BRDT: variants seen among roughly 807,000 people sequenced by gnomAD.
BRDT encodes the protein bromodomain testis-specific protein.
Under a neutral mutation model 113.9 loss-of-function variants are expected in BRDT, and 77 were observed. That is an observed-to-expected ratio of 0.68 (90% CI 0.56 to 0.82). The LOEUF is 0.82. BRDT is among the 40% of genes least tolerant of loss of function. The pLI, the probability that BRDT is intolerant of heterozygous loss-of-function variation, is 0.00. For missense variants in BRDT, 1,027 were observed against 1,105.4 expected (o/e 0.93, Z 1.01); for synonymous variants, 358 against 366.5 (o/e 0.98, Z 0.26).
At chr1:91,978,833 T>C (rs1348320493) in intron 7 of BRDT, among the ~76,000 whole-genome samples, 3 of 151,786 alleles carry the variant, frequency 2.0e-5, no homozygotes, top group Non-Finnish European at 4.4e-5. Context: ...ACCCCGTCTC[T>C]ACTAAAAAAT....
intron 1 of BRDT, among the ~76,000 whole-genome samples, chr1:91,959,093 T>C (rs952542878): frequency 6.6e-6 from 1 of 152,230 alleles, no homozygotes; most frequent in African/African-American, 2.4e-5. Context: ...AAGTATATTG[T>C]GTAATAAATA....
intron 3 of BRDT, among the ~76,000 whole-genome samples, chr1:91,965,509 G>A (rs1054101347): frequency 6.6e-6 from 1 of 152,066 alleles, no homozygotes. Flanking sequence ...AACCTAAAAA[G>A]CCAAACCAAT....
rs149397408 is a variant in BRDT at position 92,009,668 on chromosome 1, AC to A, written c.2775+4375del. The stretch of plus-strand genomic sequence containing the variant: ...AGGCTCAAGCGATCCTCCTACCCCA[AC>A]CCCCCAGTAGCTGGGACCACAGGCA... On this transcript the variant is annotated intron_variant, in intron 18 of 18. Coordinates refer to ENST00000399546, the MANE Select transcript of BRDT (RefSeq NM_207189.4). Among the ~76,000 whole-genome samples, 277 of 145,782 alleles carry A rather than the reference AC, an allele frequency of 1.9e-3. 8 individuals carry two copies. In the East Asian group the frequency reaches 0.052, roughly 27 times the overall value.
At chr1:92,010,953 T>C (rs545219957) in intron 18 of BRDT, among the ~76,000 whole-genome samples, 54 of 151,858 alleles carry the variant, frequency 3.6e-4, no homozygotes, top group African/African-American at 1.2e-3. Flanking sequence ...GAATGTTACC[T>C]TGTTGGGTGC....
chr1:91,962,723 G>A lies in BRDT; in HGVS notation c.-32G>A. The A allele has an allele frequency of 1.3e-6, 2 of 1,517,616 alleles. No individual in the cohort carries two copies. Among genetic ancestry groups the A allele is most frequent in the Non-Finnish European group, 8.8e-7 (1 of 1,134,334 alleles). 94.0% of individuals were successfully genotyped at this position (1,517,616 alleles called of 1,614,324 possible). On this transcript the variant is annotated 5_prime_UTR_variant, in exon 2 of 19. It removes an upstream start codon present in the reference 5' UTR. Transcript: ENST00000399546. ...ACTCAGTTTTTGTTTTTCAGGACATGTACTTGTAGACAGGATTCAAAGCAG... is the reference window on the plus strand; with the variant it reads ...ACTCAGTTTTTGTTTTTCAGGACATATACTTGTAGACAGGATTCAAAGCAG...
intron 3 of BRDT, among the ~76,000 whole-genome samples, chr1:91,967,017 C>T (rs946720201): frequency 1.3e-5 from 2 of 152,040 alleles, no homozygotes; most frequent in Admixed American, 1.3e-4. Context: ...TGCAGTGAGC[C>T]GAGATTGCGC....
intron 1 of BRDT, among the ~76,000 whole-genome samples, chr1:91,961,776 G>A (rs1168290483): frequency 6.6e-6 from 1 of 151,854 alleles, no homozygotes; most frequent in African/African-American, 2.4e-5. Context: ...TATTTCTTCC[G>A]ACTAGGAATT....
At chr1:91,972,558 G>C (rs1037363257) in intron 4 of BRDT, among the ~76,000 whole-genome samples, 1 of 152,146 alleles carries the variant, frequency 6.6e-6, no homozygotes, top group Non-Finnish European at 1.5e-5. Context: ...CACGCAATAG[G>C]CATGCAGTAA....
intron 15 of BRDT, among the ~76,000 whole-genome samples, chr1:92,000,019 A>G (rs1317899871): frequency 6.6e-6 from 1 of 152,084 alleles, no homozygotes; most frequent in Non-Finnish European, 1.5e-5. Flanking sequence ...GGGACCACAA[A>G]TGTGTGCCAC....
At chr1:91,986,321 GA>G (rs572769233) in intron 12 of BRDT, among the ~76,000 whole-genome samples, 177 of 150,794 alleles carry the variant, frequency 1.2e-3, no homozygotes, top group African/African-American at 3.8e-3. Context: ...ATGATACTGA[GA>G]AAAAAAAATC....
At chr1:91,958,001 G>A (rs180723969) in intron 1 of BRDT, among the ~76,000 whole-genome samples, 1 of 152,004 alleles carries the variant, frequency 6.6e-6, no homozygotes, top group African/African-American at 2.4e-5. Context: ...CACATTGCCT[G>A]GCTAACTTTT....
At chr1:91,995,480 T>A (rs1181696952) in intron 15 of BRDT, among the ~76,000 whole-genome samples, 2 of 150,896 alleles carry the variant, frequency 1.3e-5, no homozygotes, top group Non-Finnish European at 2.9e-5. Context: ...TTTTTTGAGA[T>A]GGAGTCTCGC....
At chr1:92,003,939 T>TA (rs1557864243) in intron 16 of BRDT, among the ~76,000 whole-genome samples, 2 of 152,148 alleles carry the variant, frequency 1.3e-5, no homozygotes, top group Non-Finnish European at 1.5e-5. Context: ...GTCACATCAC[T>TA]TAAGTTTTTT....
intron 18 of BRDT, among the ~76,000 whole-genome samples, chr1:92,009,523 T>C (rs1210466892): frequency 1.3e-5 from 2 of 150,016 alleles, no homozygotes; most frequent in African/African-American, 4.9e-5. Flanking sequence ...AAACATTTGT[T>C]TGCAGGTTTT....
chr1:92,004,143 A>C (rs1328093771), intron 16 of BRDT, among the ~76,000 whole-genome samples: 1 of 152,160 alleles, frequency 6.6e-6, no homozygotes, highest in Non-Finnish European at 1.5e-5. Context: ...CAAATTATGC[A>C]GTTAATATAT....
In BRDT at chr1:92,002,169, TCTAA is replaced by T; in HGVS notation, c.2388+22_2388+25del. 6.4e-7 allele frequency: 1 copy of T among 1,552,424 alleles called. No individual in the cohort carries two copies. The highest frequency in any genetic ancestry group is 8.9e-7 in the Non-Finnish European group (1 of 1,126,352). ...CAGAAGGTAAAAGTAATTTTTTTTTTCTAACAAATCTTGAAGGGATTTGAAATTG... is the reference window on the plus strand; with the variant it reads ...CAGAAGGTAAAAGTAATTTTTTTTTTCAAATCTTGAAGGGATTTGAAATTG... On this transcript the variant is annotated intron_variant, in intron 16 of 18. Coordinates refer to ENST00000399546, the MANE Select transcript of BRDT (RefSeq NM_207189.4).
chr1:91,976,494 C>CGGAAAAAATGGAA (rs1684154937), intron 5 of BRDT, 56 bp downstream of exon 5: 1 of 1,419,506 alleles, frequency 7.0e-7, no homozygotes, highest in Admixed American at 2.7e-5. Flanking sequence ...TTTTTTTTTC[C>CGGAAAAAATGGAA]ATTTATAGGA....
chr1:92,005,798 G>GTGAT (rs1422099682), intron 18 of BRDT, among the ~76,000 whole-genome samples: 3 of 152,232 alleles, frequency 2.0e-5, no homozygotes, highest in Admixed American at 1.3e-4. Context: ...ACTAGGTGAA[G>GTGAT]TGATTTATCA....
At chr1:91,991,557 A>G (rs141706581) in intron 13 of BRDT, among the ~76,000 whole-genome samples, 1 of 152,218 alleles carries the variant, frequency 6.6e-6, no homozygotes, top group African/African-American at 2.4e-5. Flanking sequence ...GAATGAGTGT[A>G]CAAAACTATG....
Sources: gnomAD v4.1 joint callset for allele counts (sites outside exome capture counted in the v4.1 genomes callset) on GRCh38, gnomAD v4.1.1 for gene constraint, MANE v1.5 for transcripts, NCBI Gene and HGNC (gene_info 2026-07-23, HGNC 2026-07-21) for gene names.